The following CTNNA3 variants were observed in gnomAD, a reference collection of about 807,000 sequenced individuals.
The protein encoded by CTNNA3 is catenin alpha 3.
A neutral mutation model predicts 95.7 loss-of-function variants in CTNNA3; 76 were observed. The observed-to-expected ratio is 0.79, with a 90% CI of 0.66 to 0.96. CTNNA3 has a LOEUF of 0.96. CTNNA3 is among the 40% of genes least tolerant of loss of function. The probability of loss-of-function intolerance (pLI) is 0.00; values close to 1 mark genes in which losing one functional copy is unlikely to be tolerated. For synonymous variants in CTNNA3, 431 were observed against 374.4 expected, an observed-to-expected ratio of 1.15 and a Z score of -1.74; for missense variants, 1,191 against 1,089.8, an observed-to-expected ratio of 1.09 and a Z score of -1.31.
intron 13 of CTNNA3, among the ~76,000 whole-genome samples, chr10:66,227,094 AGC>A (rs988412740): frequency 3.9e-5 from 6 of 152,066 alleles, no homozygotes; most frequent in Non-Finnish European, 5.9e-5. Context: ...CAAACTCCTG[AGC>A]TCAAGTGATC....
At chr10:67,042,034 A>G (rs542462547) in intron 7 of CTNNA3, among the ~76,000 whole-genome samples, 7 of 152,292 alleles carry the variant, frequency 4.6e-5, no homozygotes, top group African/African-American at 1.7e-4. Context: ...AGGAGACGTG[A>G]GCAGAGCTGA....
chr10:66,534,421 A>G (rs959188073), intron 10 of CTNNA3, among the ~76,000 whole-genome samples: 10 of 151,224 alleles, frequency 6.6e-5, no homozygotes, highest in African/African-American at 2.4e-4. Context: ...TGCTACTATT[A>G]AAAGAGAATA....
At chr10:67,328,031 G>A (rs890174807) in intron 5 of CTNNA3, among the ~76,000 whole-genome samples, 24 of 152,130 alleles carry the variant, frequency 1.6e-4, no homozygotes, top group African/African-American at 4.8e-5. Context: ...CTGACTCTGT[G>A]CCCACCAAGA....
intron 5 of CTNNA3, among the ~76,000 whole-genome samples, chr10:67,254,327 G>A (rs771345983): frequency 2.6e-5 from 4 of 151,914 alleles, no homozygotes; most frequent in Non-Finnish European, 4.4e-5. Flanking sequence ...TAAGAGAGAG[G>A]GATAAATAAA....
At chr10:66,691,028 C>G (rs962176434) in intron 9 of CTNNA3, among the ~76,000 whole-genome samples, 2 of 152,146 alleles carry the variant, frequency 1.3e-5, no homozygotes, top group African/African-American at 4.8e-5. Context: ...CCAGAGTGAT[C>G]GATGCAGAAG....
intron 14 of CTNNA3, among the ~76,000 whole-genome samples, chr10:66,077,816 T>G (rs1423639419): frequency 1.3e-5 from 2 of 151,732 alleles, no homozygotes; most frequent in Non-Finnish European, 3.0e-5. Flanking sequence ...CAATATATAT[T>G]TTATCCAGAA....
intron 7 of CTNNA3, among the ~76,000 whole-genome samples, chr10:67,072,591 G>C (rs931327601): frequency 6.6e-6 from 1 of 152,152 alleles, no homozygotes; most frequent in Non-Finnish European, 1.5e-5. Flanking sequence ...CTGGGTTGGG[G>C]CTAGATTGCA....
At chr10:67,394,341 A>T (rs1174502955) in intron 5 of CTNNA3, among the ~76,000 whole-genome samples, 1 of 151,932 alleles carries the variant, frequency 6.6e-6, no homozygotes, top group African/African-American at 2.4e-5. Context: ...TCAGTATGGG[A>T]AGTGGGCAAT....
At chr10:66,229,395 C>T (rs1396226105) in intron 13 of CTNNA3, among the ~76,000 whole-genome samples, 2 of 152,072 alleles carry the variant, frequency 1.3e-5, no homozygotes, top group South Asian at 2.1e-4. Flanking sequence ...ATGCAATTCA[C>T]GTGGGGCTGG....
chr10:67,623,581 G>A (rs563799926), intron 2 of CTNNA3, among the ~76,000 whole-genome samples: 3 of 152,108 alleles, frequency 2.0e-5, no homozygotes, highest in Non-Finnish European at 4.4e-5. Flanking sequence ...CTCTAGTAAG[G>A]AGCGGGGAGA....
chr10:66,597,192 A>C (rs1405534360), intron 10 of CTNNA3, among the ~76,000 whole-genome samples: 3 of 151,942 alleles, frequency 2.0e-5, no homozygotes, highest in African/African-American at 7.3e-5. Context: ...CCATCAAGCA[A>C]ACTAATAGCT....
intron 11 of CTNNA3, among the ~76,000 whole-genome samples, chr10:66,419,223 C>A (rs2093171282): frequency 6.6e-6 from 1 of 151,616 alleles, no homozygotes; most frequent in Non-Finnish European, 1.5e-5. Flanking sequence ...TTCTATACAC[C>A]AATAATGAAA....
intron 7 of CTNNA3, among the ~76,000 whole-genome samples, chr10:66,925,387 C>T (rs1466198775): frequency 6.6e-6 from 1 of 152,110 alleles, no homozygotes; most frequent in African/African-American, 2.4e-5. Context: ...CAAATGATCT[C>T]TTGATTCGTA....
At chr10:67,626,593 T>G (rs1564792194) in intron 2 of CTNNA3, among the ~76,000 whole-genome samples, 1 of 152,208 alleles carries the variant, frequency 6.6e-6, no homozygotes, top group Non-Finnish European at 1.5e-5. Flanking sequence ...TGAAGCCTCT[T>G]GAGAACCACA....
chr10:67,123,972 C>A (rs1859590045), intron 7 of CTNNA3, among the ~76,000 whole-genome samples: 1 of 152,142 alleles, frequency 6.6e-6, no homozygotes, highest in African/African-American at 2.4e-5. Context: ...TACACATACA[C>A]ACACGTGTGG....
intron 11 of CTNNA3, among the ~76,000 whole-genome samples, chr10:66,495,950 TC>T (rs1382707550): frequency 6.6e-6 from 1 of 152,012 alleles, no homozygotes. Context: ...AAACCACCAC[TC>T]CTGGCCTGGA....
intron 7 of CTNNA3, among the ~76,000 whole-genome samples, chr10:66,803,397 T>C (rs574276228): frequency 1.3e-5 from 2 of 152,176 alleles, no homozygotes; most frequent in South Asian, 4.1e-4. Context: ...TGCAGAGACC[T>C]CACTTCCTTT....
chr10:66,383,656 A>C (rs541428427), intron 11 of CTNNA3, among the ~76,000 whole-genome samples: 1 of 152,300 alleles, frequency 6.6e-6, no homozygotes, highest in Non-Finnish European at 1.5e-5. Flanking sequence ...AGATTCACCA[A>C]GGTTGAAATT....
At chr10:67,115,067 A>G (rs1215050340) in intron 7 of CTNNA3, among the ~76,000 whole-genome samples, 1 of 152,032 alleles carries the variant, frequency 6.6e-6, no homozygotes, top group Non-Finnish European at 1.5e-5. Flanking sequence ...ACAAGCTCAG[A>G]TCATATCTCT....
Sources: gnomAD v4.1 joint callset for allele counts (sites outside exome capture counted in the v4.1 genomes callset) on GRCh38, gnomAD v4.1.1 for gene constraint, MANE v1.5 for transcripts, NCBI Gene and HGNC (gene_info 2026-07-23, HGNC 2026-07-21) for gene names.